The following WWP1 variants were observed in gnomAD, a reference collection of about 807,000 sequenced individuals.
WWP1 encodes the protein WW domain containing E3 ubiquitin protein ligase 1.
Under a neutral mutation model 130.6 loss-of-function variants are expected in WWP1, and 49 were observed. That is an observed-to-expected ratio of 0.38 (90% CI 0.30 to 0.48). The LOEUF (loss-of-function observed/expected upper bound fraction) is 0.48. WWP1 is among the 20% of genes least tolerant of loss of function. The pLI is 0.99. For missense variants in WWP1, 809 were observed against 1,100.6 expected (o/e 0.74, Z 3.75); for synonymous variants, 332 against 367.8 (o/e 0.90, Z 1.11).
chr8:86,380,299 G>GGC (rs1824910296), intron 3 of WWP1, among the ~76,000 whole-genome samples: 1 of 152,074 alleles, frequency 6.6e-6, no homozygotes, highest in Non-Finnish European at 1.5e-5. Flanking sequence ...GTCCAGAATA[G>GGC]GCAAATTTAA....
chr8:86,398,184 G>C (rs148317590), intron 5 of WWP1, among the ~76,000 whole-genome samples, 158 bp from the exon 6 acceptor site: 1 of 152,266 alleles, frequency 6.6e-6, no homozygotes, highest in Non-Finnish European at 1.5e-5. Flanking sequence ...GGGATTGAGG[G>C]GGAAAGAGGA....
At chr8:86,411,918 C>A in intron 9 of WWP1, 44 bp downstream of exon 9, 1 of 1,504,294 alleles carries the variant, frequency 6.6e-7, no homozygotes, top group African/African-American at 1.4e-5. Flanking sequence ...TAAGTAGCAA[C>A]TCTGTTAACA....
intron 8 of WWP1, among the ~76,000 whole-genome samples, chr8:86,406,885 G>T (rs912717515): frequency 6.6e-6 from 1 of 152,150 alleles, no homozygotes; most frequent in Admixed American, 6.5e-5. Flanking sequence ...AGTAAAAATG[G>T]TATTCACTCT....
At chr8:86,350,939 T>C (rs1822886473) in intron 1 of WWP1, among the ~76,000 whole-genome samples, 2 of 152,194 alleles carry the variant, frequency 1.3e-5, no homozygotes, top group Admixed American at 1.3e-4. Flanking sequence ...AGGATATTCT[T>C]TACCTTAGAA....
At chr8:86,419,508 AT>A (rs1445761612) in intron 9 of WWP1, among the ~76,000 whole-genome samples, 1 of 152,232 alleles carries the variant, frequency 6.6e-6, no homozygotes, top group Non-Finnish European at 1.5e-5. Context: ...TGCTATAAAA[AT>A]GGAATACTCA....
chr8:86,424,628 C>G lies in WWP1; in HGVS notation c.1062-595C>G, dbSNP rs554635135. Among the ~76,000 whole-genome samples, 591 of 151,968 alleles carry G rather than the reference C, an allele frequency of 3.9e-3. 3 individuals are homozygous for G. Among genetic ancestry groups the G allele is most frequent in the Non-Finnish European group, 6.8e-3 (465 of 67,960 alleles). ...GACCAGCCCGGCCAACACAGTGAAA[C>G]CCCGTCTCCACCAAAAAAATACGAA... On this transcript the variant is annotated intron_variant, in intron 9 of 24. Transcript: ENST00000517970.
Position 86,411,853 on chromosome 8 carries a change from A to C in WWP1, c.1040A>C (p.Asn347Thr), listed in dbSNP as rs780671317. 3 of 1,608,396 alleles carry C rather than the reference A, an allele frequency of 1.9e-6. No individual in the cohort carries two copies. In the East Asian group the frequency reaches 6.7e-5, roughly 36 times the overall value. Reference sequence around the variant, plus strand: ...GTACGGCAGCAGTCTGGGAATGCCAACACAGAAACCTTGCCATCAGGGTAT... The same window carrying C: ...GTACGGCAGCAGTCTGGGAATGCCACCACAGAAACCTTGCCATCAGGGTAT... Reference protein sequence around the residue: ...DPVRQQSGNANTETLPSGWEQ... With the variant: ...DPVRQQSGNATTETLPSGWEQ... The change falls in exon 9 of 25, where the codon AAC (asparagine) becomes ACC (threonine). Residue 347 changes from asparagine (N) to threonine (T), a missense_variant. Asn to Thr is a moderately conservative substitution (Grantham distance 65). This residue lies in a region of WWP1 where 97 missense variants were observed against 80.4 expected (regional missense o/e 1.21). Coordinates refer to ENST00000517970, the MANE Select transcript of WWP1 (RefSeq NM_007013.4).
intron 3 of WWP1, among the ~76,000 whole-genome samples, chr8:86,376,601 A>G (rs1824670875): frequency 6.6e-6 from 1 of 152,056 alleles, no homozygotes; most frequent in Non-Finnish European, 1.5e-5. Flanking sequence ...AAAGAAAAAG[A>G]AAAACCTGAT....
At chr8:86,393,195 AT>A (rs1013189491) in intron 5 of WWP1, among the ~76,000 whole-genome samples, 1 of 151,210 alleles carries the variant, frequency 6.6e-6, no homozygotes, top group African/African-American at 2.4e-5. Flanking sequence ...TAGCCTTTTT[AT>A]TTTTTAATTT....
chr8:86,360,366 C>T (rs1324576994), intron 1 of WWP1, among the ~76,000 whole-genome samples: 1 of 152,136 alleles, frequency 6.6e-6, no homozygotes, highest in East Asian at 1.9e-4. Context: ...CTGATCTTAC[C>T]TTGGTGGAGT....
chr8:86,354,162 C>T (rs1349728955), intron 1 of WWP1, among the ~76,000 whole-genome samples: 1 of 152,096 alleles, frequency 6.6e-6, no homozygotes, highest in African/African-American at 2.4e-5. Flanking sequence ...GAATAATATA[C>T]CCAATTCATG....
At chr8:86,398,137 T>C (rs564282156) in intron 5 of WWP1, among the ~76,000 whole-genome samples, 128 of 152,310 alleles carry the variant, frequency 8.4e-4, no homozygotes, top group African/African-American at 3.0e-3. Context: ...AAATTTATAA[T>C]ATGCACAGAA....
chr8:86,460,578 T>C (rs1433651763), intron 22 of WWP1, among the ~76,000 whole-genome samples: 1 of 152,132 alleles, frequency 6.6e-6, no homozygotes, highest in Non-Finnish European at 1.5e-5. Flanking sequence ...ACAACATCTA[T>C]CTTGGTTGCA....
intron 1 of WWP1, among the ~76,000 whole-genome samples, chr8:86,363,656 G>C (rs1483465835): frequency 6.6e-6 from 1 of 151,814 alleles, no homozygotes; most frequent in Non-Finnish European, 1.5e-5. Flanking sequence ...AAACAAATTA[G>C]CCGGGTGTGG....
chr8:86,450,087 A>T (rs977641459), intron 20 of WWP1, among the ~76,000 whole-genome samples: 1 of 152,200 alleles, frequency 6.6e-6, no homozygotes, highest in Non-Finnish European at 1.5e-5. Flanking sequence ...AGATACTGCT[A>T]TGTGGCTTTT....
In WWP1 at chr8:86,467,802, G is replaced by T. The variant is rs1026954543; in HGVS notation, c.*909G>T. The T allele has an allele frequency of 2.0e-5, 3 of 152,028 alleles. No individual in the cohort carries two copies. Among genetic ancestry groups the T allele is most frequent in the South Asian group, 2.1e-4 (1 of 4,822 alleles). The allele number at this position is 152,028 out of a possible 1,614,324, so 9.4% of individuals were successfully genotyped here. On this transcript the variant is annotated 3_prime_UTR_variant, in exon 25 of 25. Coordinates refer to ENST00000517970, the MANE Select transcript of WWP1 (RefSeq NM_007013.4). ...CCACTTTTTTGTGTTCAAAATTTTG[G>T]TTTTTATGAAGCCAGATGGATTGAA... is the stretch of plus-strand genomic sequence containing the variant.
At chr8:86,356,080 A>G (rs1314630906) in intron 1 of WWP1, among the ~76,000 whole-genome samples, 1 of 152,172 alleles carries the variant, frequency 6.6e-6, no homozygotes, top group Non-Finnish European at 1.5e-5. Flanking sequence ...ATTTTTTTGT[A>G]AAGTGACTGA....
In WWP1 at chr8:86,350,661, G is replaced by A. The variant is rs560950847; in HGVS notation, c.-115+7731G>A. 3.9e-5 allele frequency among the ~76,000 whole-genome samples: 6 copies of A among 152,288 alleles called. No individual in the cohort carries two copies. The East Asian group carries it at 9.6e-4, about 24-fold the overall frequency. ...CTGTCCTCCCTACCCTAAATTATTT[G>A]GGTAGTTAAAAAATATCCTAGCATT... On this transcript the variant is annotated intron_variant, in intron 1 of 24. Transcript: ENST00000517970.
At chr8:86,402,861 G>C (rs1365611931) in intron 8 of WWP1, among the ~76,000 whole-genome samples, 1 of 152,176 alleles carries the variant, frequency 6.6e-6, no homozygotes, top group Non-Finnish European at 1.5e-5. Context: ...AGTGAGTAAT[G>C]AATGGTTCTT....
Sources: allele counts gnomAD v4.1 joint callset (sites outside exome capture counted in the v4.1 genomes callset), GRCh38; gene constraint gnomAD v4.1.1; regional missense constraint gnomAD v4.1.1; transcripts MANE v1.5; gene names NCBI Gene and HGNC (gene_info 2026-07-23, HGNC 2026-07-21).